Variants in CNOT9 observed in about 807,000 individuals in gnomAD.
CNOT9 encodes CCR4-NOT transcription complex subunit 9, also known as RCD1 required for cell differentiation1 homolog.
Under a neutral mutation model 37.4 loss-of-function variants are expected in CNOT9, and 8 were observed. That is an observed-to-expected ratio of 0.21 (90% confidence interval 0.13 to 0.39). The LOEUF (loss-of-function observed/expected upper bound fraction) is 0.39, where lower values mean the gene tolerates loss of function less well. Among genes scored for constraint, CNOT9 ranks in the 10% least tolerant of loss-of-function variants. The pLI is 1.00. For missense variants in CNOT9, 154 were observed against 365.3 expected (o/e 0.42, Z 4.71); for synonymous variants, 120 against 137.6 (o/e 0.87, Z 0.90).
At chr2:218,589,328 T>C (rs1694700181) in intron 5 of CNOT9, 1 of 152,188 alleles carries the variant, frequency 6.6e-6, no homozygotes, top group African/African-American at 2.4e-5. Context: ...CACTGGTTTT[T>C]TAATTTTTAA....
intron 7 of CNOT9, chr2:218,593,818 T>C (rs1158626032): frequency 2.4e-6 from 3 of 1,243,532 alleles, no homozygotes; most frequent in Non-Finnish European, 3.1e-6. Flanking sequence ...TTGACAGTAT[T>C]TAATAAATCA....
At chr2:218,585,151 G>A (rs1173977286) in intron 4 of CNOT9, among the ~76,000 whole-genome samples, 1 of 151,844 alleles carries the variant, frequency 6.6e-6, no homozygotes, top group Non-Finnish European at 1.5e-5. Flanking sequence ...TGAACTCCTA[G>A]GCTCAAGTGA....
rs780367087 is a variant in CNOT9 at position 218,583,005 on chromosome 2, C to A, written c.239C>A (p.Pro80His). ...IVNIYPSINP[P>H]TLTAHQSNRV... Reference sequence around the variant, plus strand: ...AATATTTATCCATCTATCAACCCACCCACCTTGACAGCACACCAGTCTAAC... The same window carrying A: ...AATATTTATCCATCTATCAACCCACACACCTTGACAGCACACCAGTCTAAC... Residue 80 changes from proline to histidine, a missense_variant, in exon 3 of 8, where the codon CCC (proline) becomes CAC (histidine). Physicochemically the swap from Pro to His is moderately conservative, Grantham distance 77. This residue lies in a region of CNOT9 where 117 missense variants were observed against 325.4 expected (regional missense o/e 0.36). Transcript: ENST00000273064. 6.2e-7 allele frequency: 1 copy of A among 1,613,422 alleles called. No individual in the cohort carries two copies. Among genetic ancestry groups the A allele is most frequent in the Non-Finnish European group, 8.5e-7 (1 of 1,179,552 alleles).
At chr2:218,569,888 A>G (rs1424907630) in intron 1 of CNOT9, among the ~76,000 whole-genome samples, 4 of 152,184 alleles carry the variant, frequency 2.6e-5, no homozygotes, top group African/African-American at 9.7e-5. Flanking sequence ...CTCTGCCTAA[A>G]TCGGTCTCAG....
chr2:218,590,580 CCAATCTAAAGT>C (rs1229784640), intron 5 of CNOT9, among the ~76,000 whole-genome samples: 3 of 152,106 alleles, frequency 2.0e-5, no homozygotes, highest in African/African-American at 7.2e-5. Flanking sequence ...ATGAGTTTCA[CCAATCTAAAGT>C]CAATGTATCA....
chr2:218,590,893 A>G (rs1694751409), intron 5 of CNOT9, among the ~76,000 whole-genome samples: 1 of 151,970 alleles, frequency 6.6e-6, no homozygotes, highest in Admixed American at 6.6e-5. Context: ...TGGCATGATC[A>G]TAACTCACTG....
chr2:218,586,115 T>A (rs954970252), intron 4 of CNOT9, among the ~76,000 whole-genome samples: 3 of 152,172 alleles, frequency 2.0e-5, no homozygotes, highest in Non-Finnish European at 4.4e-5. Context: ...TCAGTATTGT[T>A]AAGTTGTTCA....
At chr2:218,569,155 C>T (rs558103887) in intron 1 of CNOT9, among the ~76,000 whole-genome samples, 177 bp downstream of exon 1, 1 of 152,364 alleles carries the variant, frequency 6.6e-6, no homozygotes, top group Admixed American at 6.5e-5. Context: ...GCCCCTATTT[C>T]CTTGCCGGAC....
chr2:218,584,194 A>G (rs769808886), intron 3 of CNOT9, among the ~76,000 whole-genome samples: 5 of 152,166 alleles, frequency 3.3e-5, no homozygotes, highest in Admixed American at 6.5e-5. Flanking sequence ...AGGGAAAATC[A>G]TGTGTTTTCT....
rs532494787 is a variant in CNOT9, at chr2:218,594,823, C to T, written c.*547C>T. 1.3e-5 allele frequency: 2 copies of T among 152,792 alleles called. No homozygotes were observed. The highest frequency in any genetic ancestry group is 6.5e-5 in the Admixed American group (1 of 15,336). 9.5% of individuals were successfully genotyped at this position (152,792 alleles called of 1,614,324 possible). A position where few individuals can be genotyped will look rare whatever the true frequency, so the allele number is the denominator to read the frequency against. ...GCTGTAATATTCAGCAAAACTTTGT[C>T]GACTGGCACTGTTTACAAGTCTGTT... On this transcript the variant is annotated 3_prime_UTR_variant, in exon 8 of 8. Transcript: ENST00000273064.
chr2:218,572,454 C>G (rs1016493376), intron 1 of CNOT9, among the ~76,000 whole-genome samples: 4 of 152,126 alleles, frequency 2.6e-5, no homozygotes, highest in African/African-American at 7.2e-5. Flanking sequence ...ACCTATAATC[C>G]CAGCACTTTG....
Position 218,580,333 on chromosome 2 carries a change from A to G in CNOT9, c.25-228A>G, listed in dbSNP as rs73077144. ...GGTATGTCTTTAGCACAGCCCAATT[A>G]TACCTACAGGATAAATTCCTAAACA... On this transcript the variant is annotated intron_variant, in intron 1 of 7. Coordinates refer to ENST00000273064, the MANE Select transcript of CNOT9 (RefSeq NM_005444.3). Among the ~76,000 whole-genome samples, 375 of 152,280 alleles carry G rather than the reference A, an allele frequency of 2.5e-3. 2 individuals are homozygous for G. Among genetic ancestry groups the G allele is most frequent in the African/African-American group, 8.6e-3 (357 of 41,552 alleles).
chr2:218,579,680 A>G (rs1341555867), intron 1 of CNOT9, among the ~76,000 whole-genome samples: 1 of 151,716 alleles, frequency 6.6e-6, no homozygotes, highest in Non-Finnish European at 1.5e-5. Context: ...TAGAGACACC[A>G]GTTTCACCGT....
chr2:218,572,945 G>A (rs116227657), intron 1 of CNOT9, among the ~76,000 whole-genome samples: 5 of 152,084 alleles, frequency 3.3e-5, no homozygotes, highest in African/African-American at 4.8e-5. Context: ...TTCTCCTCCC[G>A]AGTCTCCTGA....
At chr2:218,573,216 G>A (rs1559242557) in intron 1 of CNOT9, among the ~76,000 whole-genome samples, 2 of 151,962 alleles carry the variant, frequency 1.3e-5, no homozygotes, top group African/African-American at 4.8e-5. Flanking sequence ...TACTTGGGAG[G>A]CTGAGGCAGG....
chr2:218,590,644 T>C (rs760064053), intron 5 of CNOT9, among the ~76,000 whole-genome samples: 1 of 152,174 alleles, frequency 6.6e-6, no homozygotes, highest in Non-Finnish European at 1.5e-5. Flanking sequence ...GAGAGTCTTT[T>C]TGTTGCCTTT....
chr2:218,569,161 C>T (rs1339581172), intron 1 of CNOT9, among the ~76,000 whole-genome samples, 183 bp downstream of exon 1: 1 of 152,220 alleles, frequency 6.6e-6, no homozygotes, highest in African/African-American at 2.4e-5. Flanking sequence ...ATTTCCTTGC[C>T]GGACGCCTCT....
rs1214399745 is a variant in CNOT9, at chr2:218,594,377, C to A, written c.*101C>A. Reference sequence around the variant, plus strand: ...TTTATCACCGACTGGGAATAGACAACCTCAATGCTGAACCGCACTGGAGAA... The same window carrying A: ...TTTATCACCGACTGGGAATAGACAAACTCAATGCTGAACCGCACTGGAGAA... On this transcript the variant is annotated 3_prime_UTR_variant, in exon 8 of 8. Coordinates refer to ENST00000273064, the MANE Select transcript of CNOT9 (RefSeq NM_005444.3). 2 of 1,309,606 alleles carry A rather than the reference C, an allele frequency of 1.5e-6. No individual in the cohort carries two copies. The highest frequency in any genetic ancestry group is 2.1e-6 in the Non-Finnish European group (2 of 950,728). The allele number at this position is 1,309,606 out of a possible 1,614,324, so 81.1% of individuals were successfully genotyped here.
rs1694657849 is a variant in CNOT9, at chr2:218,588,329, C to G, written c.540+634C>G. 4.0e-5 allele frequency among the ~76,000 whole-genome samples: 6 copies of G among 149,866 alleles called. No homozygotes were observed. The South Asian group carries it at 1.3e-3, about 32-fold the overall frequency. On this transcript the variant is annotated intron_variant, in intron 5 of 7. Transcript: ENST00000273064. ...TCTGAGATGGAGTCTTGCTGTGTCA[C>G]CCAGGCTGGAGTGCAGTGGTGTAAT...
Sources: allele counts gnomAD v4.1 joint callset (sites outside exome capture counted in the v4.1 genomes callset), GRCh38; gene constraint gnomAD v4.1.1; regional missense constraint gnomAD v4.1.1; transcripts MANE v1.5; gene names NCBI Gene and HGNC (gene_info 2026-07-23, HGNC 2026-07-21).